Variants in MACC1 observed in about 807,000 individuals in gnomAD.
The protein encoded by MACC1 is MET transcriptional regulator MACC1, also known as metastasis-associated in colon cancer protein 1.
A neutral mutation model predicts 70.7 loss-of-function variants in MACC1; 79 were observed. The ratio of observed to expected loss-of-function variants is 1.12; its 90% CI spans 0.93 to 1.35. The LOEUF is 1.35. MACC1 is among the 40% of genes most tolerant of loss of function. The pLI is 0.00. For synonymous variants in MACC1, 361 were observed against 347.2 expected (o/e 1.04, Z -0.44); for missense variants, 1,106 against 978.1 (o/e 1.13, Z -1.74).
At chr7:20,170,592 T>C (rs1263248204) in intron 2 of MACC1, 122 bp downstream of exon 2, 8 of 152,244 alleles carry the variant, frequency 5.3e-5, no homozygotes. Context: ...GTTAGTACTT[T>C]TGCAGTAAAA....
At chr7:20,161,401 C>G (rs1045010216) in intron 4 of MACC1, among the ~76,000 whole-genome samples, 4 of 152,028 alleles carry the variant, frequency 2.6e-5, no homozygotes, top group African/African-American at 9.7e-5. Flanking sequence ...ACCCCTAACT[C>G]TCTTAAAACT....
At chr7:20,171,099 T>C (rs530274952) in intron 1 of MACC1, among the ~76,000 whole-genome samples, 3 of 152,284 alleles carry the variant, frequency 2.0e-5, no homozygotes, top group Non-Finnish European at 4.4e-5. Context: ...TGCGCATACA[T>C]GTGTGCATAT....
chr7:20,156,499 T>C (rs1350592578), intron 5 of MACC1, among the ~76,000 whole-genome samples: 1 of 152,236 alleles, frequency 6.6e-6, no homozygotes, highest in East Asian at 1.9e-4. Flanking sequence ...AAGAAATTAA[T>C]TTTCCAATTC....
intron 3 of MACC1, among the ~76,000 whole-genome samples, chr7:20,162,823 A>T (rs1249915302): frequency 6.6e-6 from 1 of 152,184 alleles, no homozygotes; most frequent in Non-Finnish European, 1.5e-5. Context: ...AAAACCTTAA[A>T]ATTTGGAAGA....
At chr7:20,197,683 G>A (rs117951406) in intron 1 of MACC1, among the ~76,000 whole-genome samples, 1 of 152,256 alleles carries the variant, frequency 6.6e-6, no homozygotes, top group East Asian at 1.9e-4. Context: ...CTTGCATGAT[G>A]AACAAAGATT....
chr7:20,151,662 G>C lies in MACC1; in HGVS notation c.2346+2531C>G, dbSNP rs1781980226. 1.3e-5 allele frequency among the ~76,000 whole-genome samples: 2 copies of C among 152,080 alleles called. 1 individual carries two copies. The highest frequency in any genetic ancestry group is 4.2e-4 in the South Asian group (2 of 4,812). On this transcript the variant is annotated intron_variant, in intron 6 of 6. Coordinates refer to ENST00000400331, the MANE Select transcript of MACC1 (RefSeq NM_182762.4). ...TTCACCTTAGAAAAAATTAAGAAAT[G>C]GTTAAGGTGTTCAGAAAATCTGACA... is the stretch of plus-strand genomic sequence containing the variant.
rs549953181 is a variant in MACC1, at chr7:20,161,815, T to C, written c.48A>G (p.Gln16=). 1 of 1,612,716 alleles carries C rather than the reference T, an allele frequency of 6.2e-7. No individual in the cohort carries two copies. Among genetic ancestry groups the C allele is most frequent in the South Asian group, 1.1e-5 (1 of 91,022 alleles). The change falls in exon 4 of 7, where the codon CAA becomes CAG. Residue 16 remains glutamine (Q), a synonymous_variant. Coordinates refer to ENST00000400331, the MANE Select transcript of MACC1 (RefSeq NM_182762.4). ...RKHFRSGRIA[Q]SMSEANLIDM... is the part of the protein sequence containing the mutation. Reference sequence around the variant, plus strand: ...CAATCAAATTTGCTTCAGACATACTTTGTGCAATTCTTCCTGACCGAAAAT... The same window carrying C: ...CAATCAAATTTGCTTCAGACATACTCTGTGCAATTCTTCCTGACCGAAAAT...
chr7:20,162,386 A>G (rs1226751307), intron 3 of MACC1, among the ~76,000 whole-genome samples: 1 of 152,156 alleles, frequency 6.6e-6, no homozygotes, highest in Non-Finnish European at 1.5e-5. Flanking sequence ...TGCATAGAGC[A>G]TATTGTTTTG....
In MACC1 at chr7:20,159,991, G is replaced by A. The variant is rs562003002; in HGVS notation, c.370C>T (p.Gln124Ter). The A allele has an allele frequency of 2.5e-6, 4 of 1,613,956 alleles. No individual in the cohort carries two copies. The African/African-American group carries it at 5.3e-5, about 22-fold the overall frequency. The change falls in exon 5 of 7, where the codon CAG becomes TAG. Residue 124 changes from glutamine to a stop codon, truncating the protein, a stop_gained. Transcript: ENST00000400331. LOFTEE classifies it high-confidence loss of function. ...DSSGDELDVH[Q>*]LLRQTSSRNS... The stretch of plus-strand genomic sequence containing the variant: ...CTTGAGGAAGTCTGCCTAAGTAACT[G>A]ATGCACATCAAGTTCATCACCGGAG...
chr7:20,178,705 T>C (rs1782452529), intron 1 of MACC1, among the ~76,000 whole-genome samples: 1 of 152,204 alleles, frequency 6.6e-6, no homozygotes, highest in Non-Finnish European at 1.5e-5. Context: ...GTTCAAGCGA[T>C]TCTTCTGCCT....
At chr7:20,188,288 CT>C (rs1341661540) in intron 1 of MACC1, among the ~76,000 whole-genome samples, 2 of 152,128 alleles carry the variant, frequency 1.3e-5, no homozygotes, top group Non-Finnish European at 2.9e-5. Flanking sequence ...ATTCTTTTGA[CT>C]TCCTGTATTT....
chr7:20,159,482 C>A lies in MACC1; in HGVS notation c.879G>T (p.Gly293=), dbSNP rs1466255003. 6.2e-7 allele frequency: 1 copy of A among 1,614,036 alleles called. No homozygotes were observed. The highest frequency in any genetic ancestry group is 8.5e-7 in the Non-Finnish European group (1 of 1,180,004). ...TGAAAGGATCCTTTCTTACTTCAGC[C>A]CCAATTTTCATCTCCAGCAAAAGGG... is the stretch of plus-strand genomic sequence containing the variant. The part of the protein sequence containing the change: ...MEALLLEMKI[G]AEVRKDPFSQ... The change falls in exon 5 of 7, where the codon GGG becomes GGT. Residue 293 remains glycine (G), a synonymous_variant. Coordinates refer to ENST00000400331, the MANE Select transcript of MACC1 (RefSeq NM_182762.4).
intron 1 of MACC1, among the ~76,000 whole-genome samples, chr7:20,171,978 G>C (rs1583395157): frequency 6.6e-6 from 1 of 152,162 alleles, no homozygotes; most frequent in African/African-American, 2.4e-5. Flanking sequence ...TGAGGAGACT[G>C]AGGATTGGGA....
intron 6 of MACC1, among the ~76,000 whole-genome samples, chr7:20,150,824 A>C (rs1165634057): frequency 1.3e-5 from 2 of 152,166 alleles, no homozygotes; most frequent in Non-Finnish European, 2.9e-5. Flanking sequence ...AGGTGAGTGG[A>C]TCACCTGAGG....
intron 1 of MACC1, among the ~76,000 whole-genome samples, chr7:20,175,987 G>A (rs570723188): frequency 3.9e-5 from 6 of 152,094 alleles, no homozygotes; most frequent in Middle Eastern, 3.4e-3. Context: ...TGACCTCTTC[G>A]ATATCCTTCA....
chr7:20,213,215 C>T (rs1393385049), intron 1 of MACC1, among the ~76,000 whole-genome samples: 1 of 152,132 alleles, frequency 6.6e-6, no homozygotes, highest in Non-Finnish European at 1.5e-5. Flanking sequence ...CAAATCAAAA[C>T]CACAATGAGA....
chr7:20,195,182 C>T (rs1158357883), intron 1 of MACC1, among the ~76,000 whole-genome samples: 1 of 151,934 alleles, frequency 6.6e-6, no homozygotes, highest in Non-Finnish European at 1.5e-5. Flanking sequence ...GCAGTAAGTT[C>T]TCACATCTCT....
rs752478621 is a variant in MACC1 at position 20,158,500 on chromosome 7, G to A, written c.1861C>T (p.Gln621Ter). ...ACACTATCTGACATAAACATTACTTGCTCCTTTGAAATCACCTTGACATTT... is the reference window on the plus strand; with the variant it reads ...ACACTATCTGACATAAACATTACTTACTCCTTTGAAATCACCTTGACATTT... The part of the protein sequence containing the change: ...CKNVKVISKE[Q>*]VMFMSDSVFT... Residue 621 changes from glutamine (Q) to a stop codon, truncating the protein, a stop_gained, in exon 5 of 7, where the codon CAA becomes TAA. Coordinates refer to ENST00000400331, the MANE Select transcript of MACC1 (RefSeq NM_182762.4). LOFTEE classifies it high-confidence loss of function. The A allele has an allele frequency of 6.2e-7, 1 of 1,614,026 alleles. No individual in the cohort carries two copies. Among genetic ancestry groups the A allele is most frequent in the East Asian group, 2.2e-5 (1 of 44,862 alleles).
chr7:20,170,565 T>C (rs1224233697), intron 2 of MACC1, 149 bp downstream of exon 2: 1 of 152,224 alleles, frequency 6.6e-6, no homozygotes, highest in African/African-American at 2.4e-5. Flanking sequence ...TATTGTATCG[T>C]TTAAAATTAG....
Sources: gnomAD v4.1 joint callset for allele counts (sites outside exome capture counted in the v4.1 genomes callset) on GRCh38, gnomAD v4.1.1 for gene constraint, MANE v1.5 for transcripts, NCBI Gene and HGNC (gene_info 2026-07-23, HGNC 2026-07-21) for gene names.